Variants in PHF1 observed in about 807,000 individuals in gnomAD.
PHF1 encodes polycomb-like 1.
PHF1 carries 16 observed loss-of-function variants against 69.4 expected under a neutral mutation model. The ratio of observed to expected loss-of-function variants is 0.23; its 90% confidence interval spans 0.16 to 0.35. PHF1 has a LOEUF of 0.35. Ranked by LOEUF, PHF1 falls within the 10% of genes least tolerant of loss-of-function variation. The probability of loss-of-function intolerance (pLI) is 1.00; values close to 1 mark genes in which losing one functional copy is unlikely to be tolerated. For missense variants in PHF1, 515 were observed against 732.8 expected (o/e 0.70, Z 3.43); for synonymous variants, 274 against 275.0 (o/e 1.00, Z 0.04).
chr6:33,413,365 T>C, intron 5 of PHF1, 44 bp from the exon 6 acceptor site: 1 of 1,612,248 alleles, frequency 6.2e-7, no homozygotes, highest in South Asian at 1.1e-5. Flanking sequence ...AGCCTTTTCC[T>C]CTCCCCACCC....
rs962597391 is a variant in PHF1 at position 33,414,878 on chromosome 6, G to T, written c.1049+49G>T. On this transcript the variant is annotated intron_variant, in intron 11 of 14. Transcript: ENST00000374516. The surrounding 1 kb of genome is among the most constrained non-coding windows in gnomAD (Gnocchi z 5.0). ...GGAAATTCTCAGGGTGTTAGTCCTG[G>T]GGGGTATATGTATAGAGATGGGGAG... 1.9e-6 allele frequency: 3 copies of T among 1,579,772 alleles called. No individual in the cohort carries two copies. Among genetic ancestry groups the T allele is most frequent in the Admixed American group, 1.7e-5 (1 of 57,302 alleles).
rs1457959340 is a variant in PHF1, at chr6:33,412,540, G to A, written c.192G>A (p.Gln64=). 3.7e-6 allele frequency: 6 copies of A among 1,614,266 alleles called. No homozygotes were observed. Among genetic ancestry groups the A allele is most frequent in the Non-Finnish European group, 5.1e-6 (6 of 1,180,048 alleles). Residue 64 remains glutamine, a synonymous_variant, in exon 3 of 15, where the codon CAG becomes CAA. Transcript: ENST00000374516. This position sits in a 1 kb window ranked among gnomAD's most constrained non-coding sequence, Gnocchi z 4.2. ...GTGCTAGGGAGGTGTGTCTGGTCCAGTTTGAGGATGATTCGCAGTTTCTGG... is the reference window on the plus strand; with the variant it reads ...GTGCTAGGGAGGTGTGTCTGGTCCAATTTGAGGATGATTCGCAGTTTCTGG... ...VDSAREVCLV[Q]FEDDSQFLVL... is the part of the protein sequence containing the mutation.
At chr6:33,415,517 G>C in intron 13 of PHF1, 73 bp from the exon 14 acceptor site, 1 of 1,487,342 alleles carries the variant, frequency 6.7e-7, no homozygotes, top group Non-Finnish European at 9.4e-7. Flanking sequence ...TAGTGTTTGA[G>C]CTCTGCACTT....
Position 33,414,952 on chromosome 6 carries a change from C to T in PHF1, c.1050-3C>T. The T allele has an allele frequency of 1.3e-6, 2 of 1,526,038 alleles. No individual in the cohort carries two copies. Among genetic ancestry groups the T allele is most frequent in the Non-Finnish European group, 1.8e-6 (2 of 1,135,458 alleles). The allele number at this position is 1,526,038 out of a possible 1,614,324, so 94.5% of individuals were successfully genotyped here. ...GCTGGGGGGATAAGGAGGCCTCTTA[C>T]AGCTTCCCTTCAGGGCAGGGCCCTG... is the stretch of plus-strand genomic sequence containing the variant. On this transcript the variant is annotated splice_polypyrimidine_tract_variant and splice_region_variant and intron_variant, in intron 11 of 14. Transcript: ENST00000374516. This position sits in a 1 kb window ranked among gnomAD's most constrained non-coding sequence, Gnocchi z 5.0.
At chr6:33,411,941 T>C (rs1388899621) in intron 1 of PHF1, among the ~76,000 whole-genome samples, 2 of 152,106 alleles carry the variant, frequency 1.3e-5, no homozygotes, top group Non-Finnish European at 2.9e-5. Context: ...GGTGGGTGGA[T>C]CATGAGGTCA....
upstream of PHF1, chr6:33,410,619 G>C (rs993051490): frequency 1.3e-5 from 2 of 150,106 alleles, no homozygotes; most frequent in Non-Finnish European, 3.0e-5. Context: ...GCATCGAGAA[G>C]GGTGAATGGA....
Position 33,414,093 on chromosome 6 carries a change from A to C in PHF1, c.736A>C (p.Arg246=). Reference sequence around the variant, plus strand: ...TCGCGGGGGCCCTGAGAAAGTCCGGAGACTACAGCTTCGCTGGTGAGCTGG... The same window carrying C: ...TCGCGGGGGCCCTGAGAAAGTCCGGCGACTACAGCTTCGCTGGTGAGCTGG... The part of the protein sequence containing the change: ...VCRGGPEKVR[R]LQLRWVDVAH... Residue 246 remains arginine, a synonymous_variant, in exon 8 of 15, where the codon AGA becomes CGA. Transcript: ENST00000374516. The surrounding 1 kb of genome is among the most constrained non-coding windows in gnomAD (Gnocchi z 5.0). The C allele has an allele frequency of 1.2e-6, 2 of 1,614,088 alleles. No homozygotes were observed. The highest frequency in any genetic ancestry group is 1.7e-6 in the Non-Finnish European group (2 of 1,180,012).
chr6:33,412,185 A>G lies in PHF1; in HGVS notation c.-16-63A>G. The stretch of plus-strand genomic sequence containing the variant: ...TCAGGAAAAAAAAAAAAAAAAGAAA[A>G]AGAAAATGGGGAAGGTTTCTCAGCA... On this transcript the variant is annotated intron_variant, in intron 1 of 14. Coordinates refer to ENST00000374516, the MANE Select transcript of PHF1 (RefSeq NM_024165.3). The surrounding 1 kb of genome is among the most constrained non-coding windows in gnomAD (Gnocchi z 4.2). 8.1e-7 allele frequency: 1 copy of G among 1,234,230 alleles called. No individual in the cohort carries two copies. The highest frequency in any genetic ancestry group is 1.1e-6 in the Non-Finnish European group (1 of 877,456). The allele number at this position is 1,234,230 out of a possible 1,614,324, so 76.5% of individuals were successfully genotyped here. A position where few individuals can be genotyped will look rare whatever the true frequency, so the allele number is the denominator to read the frequency against.
At position 33,413,262 on chromosome 6, in the gene PHF1, T is replaced by C. The variant is rs1638877808; in HGVS notation, c.404T>C (p.Val135Ala). 7 of 1,613,966 alleles carry C rather than the reference T, an allele frequency of 4.3e-6. No individual in the cohort carries two copies. The highest frequency in any genetic ancestry group is 5.1e-6 in the Non-Finnish European group (6 of 1,179,986). The change falls in exon 5 of 15, where the codon GTA (valine) becomes GCA (alanine). Residue 135 changes from valine to alanine, a missense_variant. This residue lies in a region of PHF1 where 142 missense variants were observed against 309.7 expected (regional missense o/e 0.46). Coordinates refer to ENST00000374516, the MANE Select transcript of PHF1 (RefSeq NM_024165.3). The part of the protein sequence containing the change: ...APGEGEGTSW[V>A]CRQCVFAIAT... Reference sequence around the variant, plus strand: ...GGAGAGGGAGAGGGCACATCCTGGGTATGCCGCCAGTGTGTCTTTGCGATC... The same window carrying C: ...GGAGAGGGAGAGGGCACATCCTGGGCATGCCGCCAGTGTGTCTTTGCGATC...
chr6:33,413,098 C>T (rs965613282), intron 4 of PHF1, 98 bp from the exon 5 acceptor site: 7 of 1,088,748 alleles, frequency 6.4e-6, no homozygotes, highest in Non-Finnish European at 9.9e-6. Flanking sequence ...CTCATCAAGA[C>T]CATGGTCAGG....
In PHF1 at chr6:33,412,362, G is replaced by A; in HGVS notation, c.99G>A (p.Glu33=). The A allele has an allele frequency of 1.9e-6, 3 of 1,614,220 alleles. No individual in the cohort carries two copies. Among genetic ancestry groups the A allele is most frequent in the African/African-American group, 1.3e-5 (1 of 75,056 alleles). ...CTGGCCCCAGGCCTCGGCTTTGGGA[G>A]GGTCAAGATGTGCTGGCCAGATGGA... The part of the protein sequence containing the change: ...PTSGPRPRLW[E]GQDVLARWTD... Residue 33 remains glutamate (E), a synonymous_variant, in exon 2 of 15, where the codon GAG becomes GAA. Coordinates refer to ENST00000374516, the MANE Select transcript of PHF1 (RefSeq NM_024165.3). This position sits in a 1 kb window ranked among gnomAD's most constrained non-coding sequence, Gnocchi z 4.2.
In PHF1 at chr6:33,412,400, T is replaced by A. The variant is rs1359567687; in HGVS notation, c.137T>A (p.Leu46Gln). 6.2e-7 allele frequency: 1 copy of A among 1,614,262 alleles called. No homozygotes were observed. Among genetic ancestry groups the A allele is most frequent in the Admixed American group, 1.7e-5 (1 of 60,030 alleles). The change falls in exon 2 of 15, where the codon CTA (leucine) becomes CAA (glutamine). Residue 46 changes from leucine (L) to glutamine (Q), a missense_variant. Leu to Gln is a moderately radical substitution (Grantham distance 113). Around this residue, in one of 5 missense-constraint regions of PHF1, gnomAD observed 22 missense variants for 48.9 expected, o/e 0.45. Transcript: ENST00000374516. This position sits in a 1 kb window ranked among gnomAD's most constrained non-coding sequence, Gnocchi z 4.2. ...DVLARWTDGL[L>Q]YLGTIKKVDS... The stretch of plus-strand genomic sequence containing the variant: ...CTGGCCAGATGGACTGATGGGCTGC[T>A]ATACTTGGGTACCATCAAAAAGGTA...
rs1233141307 is a variant in PHF1 at position 33,412,484 on chromosome 6, A to T, written c.160-24A>T. On this transcript the variant is annotated intron_variant, in intron 2 of 14. Coordinates refer to ENST00000374516, the MANE Select transcript of PHF1 (RefSeq NM_024165.3). The surrounding 1 kb of genome is among the most constrained non-coding windows in gnomAD (Gnocchi z 4.2). ...CTTATCTAATTCTGGTTCCCATTTCATCCTGTTTGCTCACCCATTCCAGGT... is the reference window on the plus strand; with the variant it reads ...CTTATCTAATTCTGGTTCCCATTTCTTCCTGTTTGCTCACCCATTCCAGGT... The T allele has an allele frequency of 2.2e-5, 35 of 1,614,132 alleles. No individual in the cohort carries two copies. Among genetic ancestry groups the T allele is most frequent in the Non-Finnish European group, 2.8e-5 (33 of 1,180,012 alleles).
At position 33,413,229 on chromosome 6, in the gene PHF1, C is replaced by T; in HGVS notation, c.371C>T (p.Pro124Leu). ...CAGGACTGCCATGTTCCCAGGGCTC[C>T]AGCCCCTGGAGAGGGAGAGGGCACA... ...YHQDCHVPRAPAPGEGEGTSW... is the reference protein window; with the variant it reads ...YHQDCHVPRALAPGEGEGTSW... Residue 124 changes from proline to leucine, a missense_variant, in exon 5 of 15, where the codon CCA (proline) becomes CTA (leucine). Coordinates refer to ENST00000374516, the MANE Select transcript of PHF1 (RefSeq NM_024165.3). 1 of 1,614,178 alleles carries T rather than the reference C, an allele frequency of 6.2e-7. No individual in the cohort carries two copies. Among genetic ancestry groups the T allele is most frequent in the Non-Finnish European group, 8.5e-7 (1 of 1,180,008 alleles).
intron 7 of PHF1, 91 bp from the exon 8 acceptor site, chr6:33,413,950 A>C: frequency 1.3e-6 from 2 of 1,556,654 alleles, no homozygotes; most frequent in East Asian, 2.2e-5. Flanking sequence ...GCGTTACCTC[A>C]CCTGTTTGCC....
At chr6:33,415,421 C>A in intron 13 of PHF1, 92 bp downstream of exon 13, 1 of 1,245,298 alleles carries the variant, frequency 8.0e-7, no homozygotes, top group African/African-American at 1.5e-5. Context: ...TCCCTCTCCC[C>A]CTTGGCTACC....
chr6:33,413,419 C>G lies in PHF1; in HGVS notation c.449C>G (p.Ala150Gly). The G allele has an allele frequency of 1.2e-6, 2 of 1,614,168 alleles. No homozygotes were observed. The highest frequency in any genetic ancestry group is 1.3e-5 in the African/African-American group (1 of 75,044). ...VFAIATKRGG[A>G]LKKGPYARAM... The stretch of plus-strand genomic sequence containing the variant: ...GTCCTGTCTCTGCAGAGGGGAGGTG[C>G]CCTGAAGAAGGGCCCCTATGCCCGG... The change falls in exon 6 of 15, where the codon GCC becomes GGC. Residue 150 changes from alanine to glycine, a missense_variant. Physicochemically the swap from Ala to Gly is moderately conservative, Grantham distance 60 (BLOSUM62 0). This residue lies in a region of PHF1 where 142 missense variants were observed against 309.7 expected (regional missense o/e 0.46). Coordinates refer to ENST00000374516, the MANE Select transcript of PHF1 (RefSeq NM_024165.3).
Position 33,416,351 on chromosome 6 carries a change from T to C in PHF1, c.*253T>C. 1 of 468,286 alleles carries C rather than the reference T, an allele frequency of 2.1e-6. No individual in the cohort carries two copies. Among genetic ancestry groups the C allele is most frequent in the Non-Finnish European group, 3.8e-6 (1 of 266,108 alleles). 29.0% of individuals were successfully genotyped at this position (468,286 alleles called of 1,614,324 possible). ...ACAGCTTTTTAAATATTTTTTAAAA[T>C]TATTTAACCCCTGGGGGCAGAGACT... is the stretch of plus-strand genomic sequence containing the variant. On this transcript the variant is annotated 3_prime_UTR_variant, in exon 15 of 15. Coordinates refer to ENST00000374516, the MANE Select transcript of PHF1 (RefSeq NM_024165.3).
intron 1 of PHF1, among the ~76,000 whole-genome samples, chr6:33,411,715 G>A (rs1487730718): frequency 6.6e-6 from 1 of 152,044 alleles, no homozygotes; most frequent in African/African-American, 2.4e-5. Flanking sequence ...CGGGGGGAGG[G>A]CTGTTAGTTA....
Sources: gnomAD v4.1 joint callset for allele counts (sites outside exome capture counted in the v4.1 genomes callset) on GRCh38, gnomAD v4.1.1 for gene constraint, gnomAD v4.1.1 regional missense constraint, Gnocchi (gnomAD v3.1) non-coding constraint, MANE v1.5 for transcripts, NCBI Gene and HGNC (gene_info 2026-07-23, HGNC 2026-07-21) for gene names.